The following PLEKHA5 variants were observed in gnomAD, a reference collection of about 807,000 sequenced individuals.
The protein encoded by PLEKHA5 is pleckstrin homology domain containing A5, also known as pleckstrin homology domain-containing family A member 5.
In PLEKHA5, 55 loss-of-function variants were observed where a neutral mutation model predicts 181.9. The observed-to-expected ratio is 0.30, with a 90% confidence interval of 0.24 to 0.38. The LOEUF (loss-of-function observed/expected upper bound fraction) is 0.38. Among genes scored for constraint, PLEKHA5 ranks in the 10% least tolerant of loss-of-function variants. PLEKHA5 has a pLI of 1.00. For missense variants in PLEKHA5, 1,432 were observed against 1,549.5 expected, an observed-to-expected ratio of 0.92 and a Z score of 1.27; for synonymous variants, 535 against 529.4, an observed-to-expected ratio of 1.01 and a Z score of -0.15.
At chr12:19,353,507 G>A (rs114974684) in intron 25 of PLEKHA5, among the ~76,000 whole-genome samples, 1,612 of 149,068 alleles carry the variant, frequency 0.011, 34 homozygotes, top group African/African-American at 0.038. Context: ...TGTTGCCCAC[G>A]CTGGTGCAAT....
At position 19,224,207 on chromosome 12, in the gene PLEKHA5, AT is replaced by A. The variant is rs758194196; in HGVS notation, c.228-29727del. On this transcript the variant is annotated intron_variant, in intron 3 of 31. Coordinates refer to ENST00000429027, the MANE Select transcript of PLEKHA5 (RefSeq NM_001256470.2). ...TATTGTGTGTTAGAAAACTATAGCT[AT>A]TTTTTGAATAAAAATCTGCAATTTT... is the stretch of plus-strand genomic sequence containing the variant. Among the ~76,000 whole-genome samples the A allele has an allele frequency of 3.3e-5, 5 of 152,288 alleles. No individual in the cohort carries two copies. The East Asian group carries it at 9.6e-4, about 29-fold the overall frequency.
intron 3 of PLEKHA5, chr12:19,151,575 A>G (rs10505837): frequency 0.89 from 135,623 of 151,958 alleles, 61,276 homozygotes; most frequent in Non-Finnish European, 0.97. Context: ...TGAACTCTTA[A>G]TAGCTTACAT....
Position 19,219,515 on chromosome 12 carries a change from CTT to C in PLEKHA5, c.228-34412_228-34411del, listed in dbSNP as rs11293939. On this transcript the variant is annotated intron_variant, in intron 3 of 31. Coordinates refer to ENST00000429027, the MANE Select transcript of PLEKHA5 (RefSeq NM_001256470.2). ...TATTCCAAATACTCCTGTTTCCCTT[CTT>C]TTTTTTTTTTTTAAGTTCTTCCCTT... is the stretch of plus-strand genomic sequence containing the variant. 5.7e-3 allele frequency among the ~76,000 whole-genome samples: 812 copies of C among 143,224 alleles called. 2 individuals are homozygous for C. Among genetic ancestry groups the C allele is most frequent in the East Asian group, 0.029 (137 of 4,774 alleles). 94.0% of individuals were successfully genotyped at this position (143,224 alleles called of 152,430 possible).
At chr12:19,186,512 G>T (rs1008462908) in intron 3 of PLEKHA5, among the ~76,000 whole-genome samples, 1 of 152,086 alleles carries the variant, frequency 6.6e-6, no homozygotes, top group South Asian at 2.1e-4. Flanking sequence ...AAATAAGCTC[G>T]AATTTAGTAT....
chr12:19,209,593 G>A (rs551007584), intron 3 of PLEKHA5, among the ~76,000 whole-genome samples: 54 of 152,296 alleles, frequency 3.5e-4, no homozygotes, highest in African/African-American at 1.3e-3. Context: ...TTAAACAAGT[G>A]GGATCAAGAT....
intron 3 of PLEKHA5, among the ~76,000 whole-genome samples, chr12:19,211,712 G>A (rs575528214): frequency 9.2e-5 from 14 of 152,304 alleles, no homozygotes; most frequent in Admixed American, 9.2e-4. Flanking sequence ...TCTAGAATCA[G>A]ATGAGACCTC....
chr12:19,205,442 TG>T, intron 3 of PLEKHA5: 1 of 921,978 alleles, frequency 1.1e-6, no homozygotes, highest in Non-Finnish European at 1.3e-6. Flanking sequence ...AAAGGCTATT[TG>T]GTGAGTTAAT....
At position 19,320,598 on chromosome 12, in the gene PLEKHA5, T is replaced by C. The variant is rs1478078509; in HGVS notation, c.2191T>C (p.Tyr731His). 2 of 1,517,204 alleles carry C rather than the reference T, an allele frequency of 1.3e-6. No homozygotes were observed. Among genetic ancestry groups the C allele is most frequent in the Non-Finnish European group, 1.8e-6 (2 of 1,098,574 alleles). 94.0% of individuals were successfully genotyped at this position (1,517,204 alleles called of 1,614,324 possible). A position where few individuals can be genotyped will look rare whatever the true frequency, so the allele number is the denominator to read the frequency against. Residue 731 changes from tyrosine to histidine, a missense_variant, in exon 18 of 32, where the codon TAC (tyrosine) becomes CAC (histidine). Physicochemically the swap from Tyr to His is moderately conservative, Grantham distance 83 (BLOSUM62 2). Coordinates refer to ENST00000429027, the MANE Select transcript of PLEKHA5 (RefSeq NM_001256470.2). ...TGAAGGTAGAGGCACATTATACAAA[T>C]ACAGACCTGAAGAAGTAGATATTGA... is the stretch of plus-strand genomic sequence containing the variant. ...QDEGRGTLYKYRPEEVDIDAK... is the reference protein window; with the variant it reads ...QDEGRGTLYKHRPEEVDIDAK...
chr12:19,129,867 G>A lies in PLEKHA5; in HGVS notation c.68G>A (p.Gly23Asp), dbSNP rs1591745885. ...TCCTGGACTTACGGGATCACCAGGGGCGGCCGAGTCTTCTTCATCAAGTAA... is the reference window on the plus strand; with the variant it reads ...TCCTGGACTTACGGGATCACCAGGGACGGCCGAGTCTTCTTCATCAAGTAA... Reference protein sequence around the residue: ...PRSWTYGITRGGRVFFINEEA... With the variant: ...PRSWTYGITRDGRVFFINEEA... Residue 23 changes from glycine (G) to aspartate (D), a missense_variant, in exon 1 of 32, where the codon GGC becomes GAC. This residue lies in a region of PLEKHA5 where 289 missense variants were observed against 381.1 expected (regional missense o/e 0.76). Coordinates refer to ENST00000429027, the MANE Select transcript of PLEKHA5 (RefSeq NM_001256470.2). 3 of 1,605,022 alleles carry A rather than the reference G, an allele frequency of 1.9e-6. No homozygotes were observed. The highest frequency in any genetic ancestry group is 3.4e-5 in the Admixed American group (2 of 59,338).
At chr12:19,259,678 G>A (rs1204858655) in intron 6 of PLEKHA5, among the ~76,000 whole-genome samples, 1 of 151,648 alleles carries the variant, frequency 6.6e-6, no homozygotes, top group Non-Finnish European at 1.5e-5. Flanking sequence ...TTGAAACCAG[G>A]AAGCAGAGGT....
chr12:19,240,208 T>G (rs529499424), intron 3 of PLEKHA5, among the ~76,000 whole-genome samples: 4 of 152,336 alleles, frequency 2.6e-5, no homozygotes, highest in African/African-American at 9.6e-5. Flanking sequence ...TTGACTCTAC[T>G]GGAAAGAATG....
At chr12:19,292,157 G>A (rs879142431) in intron 15 of PLEKHA5, among the ~76,000 whole-genome samples, 1 of 152,244 alleles carries the variant, frequency 6.6e-6, no homozygotes, top group Admixed American at 6.5e-5. Context: ...TGTAATCCCA[G>A]CACTTTGGGA....
chr12:19,270,365 C>G (rs1416165439), intron 10 of PLEKHA5, among the ~76,000 whole-genome samples, 160 bp downstream of exon 10: 1 of 152,072 alleles, frequency 6.6e-6, no homozygotes, highest in African/African-American at 2.4e-5. Flanking sequence ...TGATGAATTA[C>G]AGTAAGAAAC....
rs750935150 is a variant in PLEKHA5, at chr12:19,359,530, T to C, written c.3467T>C (p.Val1156Ala). ...VQLKETEPQN[V>A]DFSKELKKTE... Reference sequence around the variant, plus strand: ...CTAAAAGAAACCGAACCCCAAAATGTGGACTTCAGCAAAGAGGTAGCGAGA... The same window carrying C: ...CTAAAAGAAACCGAACCCCAAAATGCGGACTTCAGCAAAGAGGTAGCGAGA... The change falls in exon 28 of 32, where the codon GTG becomes GCG. Residue 1156 changes from valine to alanine, a missense_variant. Transcript: ENST00000429027. 6.2e-6 allele frequency: 10 copies of C among 1,613,920 alleles called. No individual in the cohort carries two copies. In the Admixed American group the frequency reaches 1.3e-4, roughly 22 times the overall value.
At chr12:19,179,239 T>TCA (rs1384778363) in intron 3 of PLEKHA5, among the ~76,000 whole-genome samples, 1 of 152,232 alleles carries the variant, frequency 6.6e-6, no homozygotes, top group East Asian at 1.9e-4. Context: ...GGCCTCTGTT[T>TCA]AACAGTATGT....
intron 29 of PLEKHA5, among the ~76,000 whole-genome samples, chr12:19,364,314 C>A (rs2095354758): frequency 1.3e-5 from 2 of 152,034 alleles, no homozygotes; most frequent in South Asian, 4.2e-4. Context: ...TTGAAACTAG[C>A]CTGGCCAATA....
At chr12:19,189,691 T>A (rs558755984) in intron 3 of PLEKHA5, among the ~76,000 whole-genome samples, 1 of 152,260 alleles carries the variant, frequency 6.6e-6, no homozygotes, top group South Asian at 2.1e-4. Flanking sequence ...GAAAATAAAT[T>A]TGACTCATAT....
intron 3 of PLEKHA5, among the ~76,000 whole-genome samples, chr12:19,230,891 C>T (rs2060439933): frequency 1.3e-5 from 2 of 152,174 alleles, no homozygotes; most frequent in African/African-American, 2.4e-5. Flanking sequence ...CGAGGGCTGC[C>T]ACCACACTGT....
At chr12:19,314,769 G>A (rs1310952411) in intron 15 of PLEKHA5, 45 bp from the exon 16 acceptor site, 2 of 993,798 alleles carry the variant, frequency 2.0e-6, no homozygotes, top group Non-Finnish European at 3.1e-6. Flanking sequence ...ATCTAGCTAT[G>A]CTGTAAACTG....
Sources: gnomAD v4.1 joint callset for allele counts (sites outside exome capture counted in the v4.1 genomes callset) on GRCh38, gnomAD v4.1.1 for gene constraint, gnomAD v4.1.1 regional missense constraint, MANE v1.5 for transcripts, NCBI Gene and HGNC (gene_info 2026-07-23, HGNC 2026-07-21) for gene names.